The following NALCN variants were observed in gnomAD, a reference collection of about 807,000 sequenced individuals.
NALCN encodes sodium leak channel, non-selective, also known as sodium leak channel NALCN.
Under a neutral mutation model 225.3 loss-of-function variants are expected in NALCN, and 111 were observed. The observed-to-expected ratio is 0.49, with a 90% CI of 0.42 to 0.58. The LOEUF (loss-of-function observed/expected upper bound fraction) is 0.58, where lower values mean the gene tolerates loss of function less well. Ranked by LOEUF, NALCN falls within the 20% of genes least tolerant of loss-of-function variation. NALCN has a pLI of 0.00. For synonymous variants in NALCN, 764 were observed against 769.0 expected (o/e 0.99, Z 0.11); for missense variants, 1,378 against 2,202.4 (o/e 0.63, Z 7.49).
Position 101,164,656 on chromosome 13 carries a change from C to T in NALCN, c.1839+11644G>A, listed in dbSNP as rs140977667. On this transcript the variant is annotated intron_variant, in intron 15 of 43. Coordinates refer to ENST00000251127, the MANE Select transcript of NALCN (RefSeq NM_052867.4). ...CTCTGTTGTGACTTCTTGGCTTAAA[C>T]CTTGATCTAAACTGTTCTGTCTTAG... Among the ~76,000 whole-genome samples the T allele has an allele frequency of 8.1e-3, 1,238 of 152,236 alleles. 16 individuals are homozygous for T. Among genetic ancestry groups the T allele is most frequent in the South Asian group, 0.055 (267 of 4,818 alleles).
chr13:101,355,966 G>A (rs2046046284), intron 6 of NALCN, among the ~76,000 whole-genome samples: 1 of 152,078 alleles, frequency 6.6e-6, no homozygotes, highest in African/African-American at 2.4e-5. Flanking sequence ...AAATAATGAA[G>A]TTAAGGCACA....
chr13:101,082,738 CAA>C, intron 33 of NALCN, 69 bp downstream of exon 33: 1 of 1,507,512 alleles, frequency 6.6e-7, no homozygotes, highest in Non-Finnish European at 9.2e-7. Context: ...TAAGTGGCAT[CAA>C]AGAGGGAGGC....
chr13:101,108,577 A>G (rs530809806), intron 20 of NALCN, among the ~76,000 whole-genome samples: 53 of 152,260 alleles, frequency 3.5e-4, no homozygotes, highest in African/African-American at 1.2e-3. Flanking sequence ...GAAAGACTAG[A>G]AGGAGGTGAG....
intron 13 of NALCN, among the ~76,000 whole-genome samples, chr13:101,200,053 A>T (rs2040055328): frequency 6.6e-6 from 1 of 152,036 alleles, no homozygotes; most frequent in Admixed American, 6.6e-5. Flanking sequence ...GATCTCATCC[A>T]TTGTAATGCC....
chr13:101,153,889 T>C (rs555453857), intron 15 of NALCN, among the ~76,000 whole-genome samples: 1 of 152,374 alleles, frequency 6.6e-6, no homozygotes, highest in East Asian at 1.9e-4. Context: ...CTTCTTAGCA[T>C]GGCATAAGCG....
intron 1 of NALCN, among the ~76,000 whole-genome samples, chr13:101,407,806 A>T (rs1358170351): frequency 1.3e-5 from 2 of 152,122 alleles, no homozygotes; most frequent in African/African-American, 4.8e-5. Context: ...ACATTTCACA[A>T]ACACGAACTT....
At chr13:101,200,590 C>A (rs1445505008) in intron 13 of NALCN, among the ~76,000 whole-genome samples, 12 of 152,144 alleles carry the variant, frequency 7.9e-5, no homozygotes, top group Non-Finnish European at 1.5e-5. Context: ...ACCCCTTAAA[C>A]ATCAACATAG....
At chr13:101,075,577 T>C (rs1220331492) in intron 35 of NALCN, among the ~76,000 whole-genome samples, 1 of 151,886 alleles carries the variant, frequency 6.6e-6, no homozygotes, top group African/African-American at 2.4e-5. Flanking sequence ...GAAAGAATAT[T>C]GGTTTTTGTT....
intron 3 of NALCN, among the ~76,000 whole-genome samples, chr13:101,380,753 A>G (rs955675747): frequency 2.0e-5 from 3 of 152,146 alleles, no homozygotes; most frequent in African/African-American, 7.2e-5. Flanking sequence ...ACTATGATAA[A>G]ACACTTAATG....
At chr13:101,397,624 T>C (rs1378979360) in intron 2 of NALCN, among the ~76,000 whole-genome samples, 5 of 151,420 alleles carry the variant, frequency 3.3e-5, no homozygotes, top group East Asian at 1.9e-4. Flanking sequence ...ATATAACCTG[T>C]TATATGTTTA....
intron 20 of NALCN, among the ~76,000 whole-genome samples, chr13:101,108,342 G>T (rs913090947): frequency 6.6e-6 from 1 of 152,058 alleles, no homozygotes; most frequent in Non-Finnish European, 1.5e-5. Context: ...TAGTGTGCAG[G>T]ATATGGCAAG....
At chr13:101,060,112 C>T in intron 41 of NALCN, 145 bp from the exon 42 acceptor site, 1 of 928,168 alleles carries the variant, frequency 1.1e-6, no homozygotes, top group Non-Finnish European at 1.6e-6. Flanking sequence ...GGATCCTGAA[C>T]TAATTTCAAT....
At chr13:101,222,112 T>C (rs901784252) in intron 13 of NALCN, among the ~76,000 whole-genome samples, 1 of 152,204 alleles carries the variant, frequency 6.6e-6, no homozygotes. Flanking sequence ...GCCCAACTTA[T>C]GGGAGACTCC....
chr13:101,162,117 TC>T (rs1039465540), intron 15 of NALCN, among the ~76,000 whole-genome samples: 2 of 152,176 alleles, frequency 1.3e-5, no homozygotes, highest in Admixed American at 1.3e-4. Context: ...GTAACTTTCT[TC>T]ATCCTCACCC....
chr13:101,149,369 T>C (rs530400282), intron 15 of NALCN, among the ~76,000 whole-genome samples: 5 of 152,292 alleles, frequency 3.3e-5, no homozygotes, highest in African/African-American at 1.2e-4. Context: ...CTTGAATATA[T>C]TGTTTAACAT....
Position 101,349,580 on chromosome 13 carries a change from G to T in NALCN, c.645-4160C>A, listed in dbSNP as rs77650941. On this transcript the variant is annotated intron_variant, in intron 6 of 43. Coordinates refer to ENST00000251127, the MANE Select transcript of NALCN (RefSeq NM_052867.4). ...GATGTGAGTATGGGAGGAAGACACA[G>T]ATGCAACTCTGCTGGCTTTGAAGGT... 2.9e-3 allele frequency among the ~76,000 whole-genome samples: 443 copies of T among 152,248 alleles called. 2 individuals are homozygous for T. Among genetic ancestry groups the T allele is most frequent in the African/African-American group, 1.0e-2 (414 of 41,558 alleles).
At chr13:101,096,287 T>C (rs2034496253) in intron 27 of NALCN, among the ~76,000 whole-genome samples, 1 of 152,226 alleles carries the variant, frequency 6.6e-6, no homozygotes. Flanking sequence ...TATATAAGCA[T>C]TATTCACAAT....
At chr13:101,342,827 A>G (rs548758699) in intron 7 of NALCN, among the ~76,000 whole-genome samples, 98 of 152,160 alleles carry the variant, frequency 6.4e-4, no homozygotes, top group Non-Finnish European at 1.5e-4. Flanking sequence ...CTACTCCATG[A>G]CTCTGGCTTT....
chr13:101,103,597 C>T (rs1041955119), intron 25 of NALCN, among the ~76,000 whole-genome samples: 1 of 152,092 alleles, frequency 6.6e-6, no homozygotes, highest in Non-Finnish European at 1.5e-5. Flanking sequence ...TGCGTTCTGC[C>T]TCTTCTTTTA....
Sources: gnomAD v4.1 joint callset for allele counts (sites outside exome capture counted in the v4.1 genomes callset) on GRCh38, gnomAD v4.1.1 for gene constraint, MANE v1.5 for transcripts, NCBI Gene and HGNC (gene_info 2026-07-23, HGNC 2026-07-21) for gene names.